Variants in ZNF559 observed in about 807,000 individuals in gnomAD.
ZNF559 encodes putative protein product of Nbla00121.
Under a neutral mutation model 14.2 loss-of-function variants are expected in ZNF559, and 17 were observed. That is an observed-to-expected ratio of 1.20 (90% CI 0.82 to 1.80). The LOEUF (loss-of-function observed/expected upper bound fraction) is 1.80, where lower values mean the gene tolerates loss of function less well. ZNF559 is among the 40% of genes most tolerant of loss of function. The probability of loss-of-function intolerance (pLI) is 0.00; values close to 1 mark genes in which losing one functional copy is unlikely to be tolerated. For missense variants in ZNF559, 740 were observed against 629.7 expected, an observed-to-expected ratio of 1.18 and a Z score of -1.88; for synonymous variants, 244 against 212.4, an observed-to-expected ratio of 1.15 and a Z score of -1.29.
At chr19:9,333,480 A>G (rs571019551) in intron 2 of ZNF559, among the ~76,000 whole-genome samples, 1 of 152,340 alleles carries the variant, frequency 6.6e-6, no homozygotes, top group East Asian at 1.9e-4. Context: ...AGGCAGGAGA[A>G]TCACTTGCGT....
At chr19:9,337,933 CTCGA>C (rs2067330321) in intron 3 of ZNF559, 75 bp downstream of exon 3, 5 of 1,535,824 alleles carry the variant, frequency 3.3e-6, no homozygotes, top group Non-Finnish European at 4.4e-6. Context: ...CAGACAGTGT[CTCGA>C]AGAGACTTTG....
intron 6 of ZNF559, chr19:9,341,443 G>A (rs755908128): frequency 5.1e-6 from 4 of 781,382 alleles, no homozygotes; most frequent in African/African-American, 1.7e-5. Flanking sequence ...TTCACTCTTG[G>A]GCCGTTATCA....
At chr19:9,334,526 TA>T (rs1482954823) in intron 2 of ZNF559, among the ~76,000 whole-genome samples, 1 of 152,138 alleles carries the variant, frequency 6.6e-6, no homozygotes, top group African/African-American at 2.4e-5. Flanking sequence ...TTATAAAGTT[TA>T]AAAACAGACA....
At chr19:9,339,146 A>G (rs1388544074) in intron 4 of ZNF559, 47 bp from the exon 5 acceptor site, 21 of 1,610,624 alleles carry the variant, frequency 1.3e-5, no homozygotes, top group Non-Finnish European at 1.7e-5. Flanking sequence ...CAGTCAACAT[A>G]GTGGAGAACG....
At chr19:9,337,984 C>T in intron 3 of ZNF559, 126 bp downstream of exon 3, 3 of 1,536,086 alleles carry the variant, frequency 2.0e-6, no homozygotes, top group East Asian at 4.9e-5. Flanking sequence ...CTGTTAGACT[C>T]ACAGGATGCT....
At chr19:9,326,076 A>G (rs975773030) in intron 2 of ZNF559, among the ~76,000 whole-genome samples, 1 of 144,454 alleles carries the variant, frequency 6.9e-6, no homozygotes, top group African/African-American at 2.5e-5. Flanking sequence ...GATCTGTTAA[A>G]TCTGTTTTTT....
In ZNF559 at chr19:9,343,213, T is replaced by C. The variant is rs1358829024; in HGVS notation, c.*145T>C. 7 of 1,456,808 alleles carry C rather than the reference T, an allele frequency of 4.8e-6. No homozygotes were observed. In the Admixed American group the frequency reaches 7.8e-5, roughly 16 times the overall value. 90.2% of individuals were successfully genotyped at this position (1,456,808 alleles called of 1,614,324 possible). A position where few individuals can be genotyped will look rare whatever the true frequency, so the allele number is the denominator to read the frequency against. On this transcript the variant is annotated 3_prime_UTR_variant, in exon 7 of 7. Transcript: ENST00000603380. ...GTGTCTCAGATCTTAACAATTCCAA[T>C]AGAAGAGAAGACATATGAATGTAAG...
Position 9,342,572 on chromosome 19 carries a change from C to T in ZNF559, c.1121C>T (p.Thr374Ile), listed in dbSNP as rs773765543. ...NSSHLTVHMR[T>I]HTGEKPYQCK... ...TCACATCTTACTGTACATATGAGAA[C>T]TCACACTGGTGAGAAGCCTTATCAA... Residue 374 changes from threonine (T) to isoleucine (I), a missense_variant, in exon 7 of 7, where the codon ACT becomes ATT. Thr to Ile is a moderately conservative substitution (Grantham distance 89). Coordinates refer to ENST00000603380, the MANE Select transcript of ZNF559 (RefSeq NM_032497.3). 23 of 1,613,708 alleles carry T rather than the reference C, an allele frequency of 1.4e-5. No homozygotes were observed. Among genetic ancestry groups the T allele is most frequent in the Non-Finnish European group, 1.9e-5 (22 of 1,179,892 alleles).
chr19:9,335,290 C>A (rs1483285243), intron 2 of ZNF559, among the ~76,000 whole-genome samples: 3 of 152,048 alleles, frequency 2.0e-5, no homozygotes, highest in East Asian at 3.9e-4. Context: ...GCCCCACCAC[C>A]AATCTCTGCC....
rs2067605445 is a variant in ZNF559 at position 9,341,935 on chromosome 19, CTT to C, written c.485_486del (p.Leu162ArgfsTer6). The C allele has an allele frequency of 6.2e-7, 1 of 1,613,750 alleles. No individual in the cohort carries two copies. Among genetic ancestry groups the C allele is most frequent in the African/African-American group, 1.3e-5 (1 of 75,028 alleles). The part of the protein sequence containing the change: ...CETAFSQHLH[L>X]VCKKTSQNLH... Reference sequence around the variant, plus strand: ...AACAGCCTTCAGCCAACATCTACATCTTGTTTGCAAGAAAACTAGCCAAAATC... The same window carrying C: ...AACAGCCTTCAGCCAACATCTACATCGTTTGCAAGAAAACTAGCCAAAATC... On this transcript the variant is annotated frameshift_variant, in exon 7 of 7. Transcript: ENST00000603380. LOFTEE classifies it low-confidence loss of function (END_TRUNC).
At chr19:9,325,652 C>T (rs914902961) in intron 2 of ZNF559, among the ~76,000 whole-genome samples, 5 of 151,736 alleles carry the variant, frequency 3.3e-5, no homozygotes, top group East Asian at 1.9e-4. Flanking sequence ...ATTAGCCGGG[C>T]GTGGGCACCT....
At position 9,343,703 on chromosome 19, in the gene ZNF559, G is replaced by T; in HGVS notation, c.*635G>T. Reference sequence around the variant, plus strand: ...AAACATCCACACTGAAGAGGAACCTGACTGTATGGAAGGTCAAAAAGGCTG... The same window carrying T: ...AAACATCCACACTGAAGAGGAACCTTACTGTATGGAAGGTCAAAAAGGCTG... On this transcript the variant is annotated 3_prime_UTR_variant, in exon 7 of 7. Coordinates refer to ENST00000603380, the MANE Select transcript of ZNF559 (RefSeq NM_032497.3). 16 of 986,686 alleles carry T rather than the reference G, an allele frequency of 1.6e-5. No individual in the cohort carries two copies. Among genetic ancestry groups the T allele is most frequent in the Non-Finnish European group, 1.6e-5 (13 of 830,842 alleles). The allele number at this position is 986,686 out of a possible 1,614,324, so 61.1% of individuals were successfully genotyped here.
intron 2 of ZNF559, among the ~76,000 whole-genome samples, chr19:9,328,448 G>A (rs931895590): frequency 4.7e-5 from 7 of 148,790 alleles, no homozygotes; most frequent in Middle Eastern, 3.2e-3. Context: ...CCACCTCCCG[G>A]GTTCAAGTGA....
intron 2 of ZNF559, among the ~76,000 whole-genome samples, chr19:9,331,682 C>T (rs76838457): frequency 0.021 from 3,212 of 152,218 alleles, 109 homozygotes; most frequent in African/African-American, 0.073. Context: ...ATAAATGCAA[C>T]TGTTCTCAGT....
At chr19:9,323,946 C>A (rs2066425770), upstream of ZNF559, 1 of 572,158 alleles carries the variant, frequency 1.7e-6, no homozygotes, top group Middle Eastern at 4.7e-4. Flanking sequence ...TTCATTCTTT[C>A]TTTGCTTTGC....
At position 9,324,679 on chromosome 19, in the gene ZNF559, G is replaced by T; in HGVS notation, c.-205-16G>T. 1.3e-6 allele frequency: 2 copies of T among 1,505,860 alleles called. No individual in the cohort carries two copies. The highest frequency in any genetic ancestry group is 1.2e-5 in the South Asian group (1 of 82,808). 93.3% of individuals were successfully genotyped at this position (1,505,860 alleles called of 1,614,324 possible). A position where few individuals can be genotyped will look rare whatever the true frequency, so the allele number is the denominator to read the frequency against. ...AAAAAGTCTCCACATCCAGCGTTGT[G>T]CCTTTTCTCTATAAGGAACAGCATC... On this transcript the variant is annotated splice_polypyrimidine_tract_variant and intron_variant, in intron 1 of 6. Coordinates refer to ENST00000603380, the MANE Select transcript of ZNF559 (RefSeq NM_032497.3).
intron 2 of ZNF559, among the ~76,000 whole-genome samples, chr19:9,330,992 G>A (rs2066907694): frequency 6.6e-6 from 1 of 152,158 alleles, no homozygotes; most frequent in African/African-American, 2.4e-5. Context: ...ACAAGATCAG[G>A]ACTGACCCCT....
intron 6 of ZNF559, 26 bp from the exon 7 acceptor site, chr19:9,341,669 G>A: frequency 6.2e-7 from 1 of 1,602,148 alleles, no homozygotes; most frequent in Non-Finnish European, 8.5e-7. Context: ...AAACTTCTAT[G>A]AACCATCATT....
upstream of ZNF559, chr19:9,324,131 C>G: frequency 6.5e-7 from 1 of 1,533,526 alleles, no homozygotes. Context: ...GCCCCGCCCC[C>G]TAGGTGGTCC....
Sources: gnomAD v4.1 joint callset for allele counts (sites outside exome capture counted in the v4.1 genomes callset) on GRCh38, gnomAD v4.1.1 for gene constraint, MANE v1.5 for transcripts, NCBI Gene and HGNC (gene_info 2026-07-23, HGNC 2026-07-21) for gene names.